The following P3H2 variants were observed in gnomAD, a reference collection of about 807,000 sequenced individuals.
P3H2 encodes the protein prolyl 3-hydroxylase 2.
Under a neutral mutation model 87.0 loss-of-function variants are expected in P3H2, and 80 were observed. The ratio of observed to expected loss-of-function variants is 0.92; its 90% CI spans 0.77 to 1.11. The LOEUF is 1.11. P3H2 is among the 50% of genes least tolerant of loss of function. The probability of loss-of-function intolerance (pLI) is 0.00; values close to 1 mark genes in which losing one functional copy is unlikely to be tolerated. For synonymous variants in P3H2, 367 were observed against 359.3 expected (o/e 1.02, Z -0.24); for missense variants, 1,001 against 923.9 (o/e 1.08, Z -1.08).
At chr3:190,041,467 G>A (rs1045729389) in intron 1 of P3H2, among the ~76,000 whole-genome samples, 3 of 152,032 alleles carry the variant, frequency 2.0e-5, no homozygotes, top group Non-Finnish European at 2.9e-5. Flanking sequence ...GGGAAATCCC[G>A]AGAGGTTCAC....
At chr3:190,019,564 C>A (rs1460883323) in intron 1 of P3H2, among the ~76,000 whole-genome samples, 1 of 135,814 alleles carries the variant, frequency 7.4e-6, no homozygotes, top group African/African-American at 2.5e-5. Context: ...TGCTCATTAT[C>A]GTTTCTATTA....
chr3:190,076,153 T>C (rs550441952), intron 1 of P3H2, among the ~76,000 whole-genome samples: 152 of 147,012 alleles, frequency 1.0e-3, no homozygotes, highest in African/African-American at 3.6e-3. Context: ...TATTAAGATA[T>C]GAAAAAAAAA....
At chr3:190,088,004 C>T (rs1331875074) in intron 1 of P3H2, among the ~76,000 whole-genome samples, 1 of 152,148 alleles carries the variant, frequency 6.6e-6, no homozygotes, top group Non-Finnish European at 1.5e-5. Flanking sequence ...TTCTGTTGTG[C>T]AAGTTTTCTT....
At chr3:190,114,161 T>C (rs1712189273) in intron 1 of P3H2, among the ~76,000 whole-genome samples, 1 of 149,856 alleles carries the variant, frequency 6.7e-6, no homozygotes, top group African/African-American at 2.5e-5. Flanking sequence ...TTGCAAGCAA[T>C]TGCTGCCCTC....
Position 189,971,926 on chromosome 3 carries a change from C to T in P3H2, c.1781G>A (p.Trp594Ter). ...AAATGTGTAAGCAGGAGGCTCCTTC[C>T]AGCATTCGTTGGCCTCTGGATCCAA... ...CLLDPEANEC[W>*]KEPPAYTFRD... Residue 594 changes from tryptophan (W) to a stop codon, truncating the protein, a stop_gained, in exon 12 of 15, where the codon TGG becomes TAG. Coordinates refer to ENST00000319332, the MANE Select transcript of P3H2 (RefSeq NM_018192.4). LOFTEE classifies it high-confidence loss of function. 1 of 1,613,066 alleles carries T rather than the reference C, an allele frequency of 6.2e-7. No individual in the cohort carries two copies. The highest frequency in any genetic ancestry group is 8.5e-7 in the Non-Finnish European group (1 of 1,179,048).
At chr3:190,006,607 CA>C (rs1304959940) in intron 1 of P3H2, among the ~76,000 whole-genome samples, 1 of 152,094 alleles carries the variant, frequency 6.6e-6, no homozygotes, top group African/African-American at 2.4e-5. Context: ...TGGGAATTTA[CA>C]AGCTTTTAGG....
intron 1 of P3H2, among the ~76,000 whole-genome samples, chr3:190,119,764 G>A (rs1200450175): frequency 6.6e-6 from 1 of 152,198 alleles, no homozygotes; most frequent in Non-Finnish European, 1.5e-5. Flanking sequence ...TTTGGAACAG[G>A]TCTTTCAACT....
intron 1 of P3H2, among the ~76,000 whole-genome samples, chr3:190,032,443 C>A (rs888669771): frequency 6.6e-6 from 1 of 151,784 alleles, no homozygotes; most frequent in African/African-American, 2.4e-5. Flanking sequence ...AGTAAAAATT[C>A]AACATTAAAG....
At chr3:190,031,059 A>G (rs1725236617) in intron 1 of P3H2, among the ~76,000 whole-genome samples, 1 of 152,200 alleles carries the variant, frequency 6.6e-6, no homozygotes, top group African/African-American at 2.4e-5. Flanking sequence ...ACACTTAGAT[A>G]AGGATGGATT....
At chr3:189,969,312 C>T (rs2108906563) in intron 13 of P3H2, 4 of 918,968 alleles carry the variant, frequency 4.4e-6, no homozygotes, top group South Asian at 2.6e-5. Flanking sequence ...AGGTGCAGAA[C>T]ATGAAGCTTT....
intron 13 of P3H2, among the ~76,000 whole-genome samples, chr3:189,966,173 A>T (rs1035901831): frequency 6.8e-6 from 1 of 147,954 alleles, no homozygotes; most frequent in Admixed American, 6.8e-5. Flanking sequence ...GAAAGAAAGA[A>T]AGAAAGAAAG....
At chr3:190,066,139 G>A (rs1320020914) in intron 1 of P3H2, among the ~76,000 whole-genome samples, 2 of 102,572 alleles carry the variant, frequency 1.9e-5, no homozygotes, top group Admixed American at 2.1e-4. Flanking sequence ...AGAAACTGTG[G>A]TGTGTATATA....
At chr3:190,035,107 C>T (rs576897458) in intron 1 of P3H2, among the ~76,000 whole-genome samples, 3 of 152,198 alleles carry the variant, frequency 2.0e-5, no homozygotes, top group South Asian at 2.1e-4. Flanking sequence ...CCTCAGCATC[C>T]TGAAGTGCTG....
At chr3:190,051,381 G>A (rs1452069439) in intron 1 of P3H2, among the ~76,000 whole-genome samples, 3 of 151,900 alleles carry the variant, frequency 2.0e-5, no homozygotes, top group African/African-American at 7.3e-5. Flanking sequence ...TTTAATCTTT[G>A]GTCAAACAAT....
chr3:190,110,561 A>C (rs891701760), intron 1 of P3H2, among the ~76,000 whole-genome samples: 1 of 152,218 alleles, frequency 6.6e-6, no homozygotes, highest in African/African-American at 2.4e-5. Flanking sequence ...TTGATCCTGG[A>C]TTTCATATGA....
chr3:189,983,012 C>T (rs1398307032), intron 8 of P3H2, 34 bp downstream of exon 8: 2 of 1,520,834 alleles, frequency 1.3e-6, no homozygotes, highest in Admixed American at 1.7e-5. Context: ...TCCCCTTCCC[C>T]TCCTTTATAG....
intron 1 of P3H2, among the ~76,000 whole-genome samples, chr3:190,001,093 A>G (rs1014812625): frequency 5.3e-5 from 8 of 152,192 alleles, no homozygotes; most frequent in African/African-American, 1.9e-4. Context: ...ATGTTTCTCA[A>G]TTCAGAAGGC....
At chr3:190,089,304 C>G (rs924936107) in intron 1 of P3H2, among the ~76,000 whole-genome samples, 1 of 152,158 alleles carries the variant, frequency 6.6e-6, no homozygotes, top group Non-Finnish European at 1.5e-5. Context: ...ACCAACATAG[C>G]ACATGTATAC....
chr3:190,089,224 C>T (rs564422722), intron 1 of P3H2, among the ~76,000 whole-genome samples: 42 of 147,142 alleles, frequency 2.9e-4, no homozygotes, highest in East Asian at 3.9e-4. Context: ...TGTCGTGGGG[C>T]GGGGGAAGCG....
Sources: gnomAD v4.1 joint callset for allele counts (sites outside exome capture counted in the v4.1 genomes callset) on GRCh38, gnomAD v4.1.1 for gene constraint, MANE v1.5 for transcripts, NCBI Gene and HGNC (gene_info 2026-07-23, HGNC 2026-07-21) for gene names.